RELN: variants seen among roughly 807,000 people sequenced by gnomAD.
RELN encodes the protein reelin.
RELN carries 108 observed loss-of-function variants against 427.6 expected under a neutral mutation model. The ratio of observed to expected loss-of-function variants is 0.25; its 90% CI spans 0.22 to 0.30. The LOEUF is 0.30. Among genes scored for constraint, RELN ranks in the 10% least tolerant of loss-of-function variants. The pLI is 1.00. For missense variants in RELN, 3,715 were observed against 4,302.8 expected (o/e 0.86, Z 3.82); for synonymous variants, 1,524 against 1,513.4 (o/e 1.01, Z -0.16).
At chr7:103,816,224 C>T (rs1200412630) in intron 3 of RELN, among the ~76,000 whole-genome samples, 1 of 151,980 alleles carries the variant, frequency 6.6e-6, no homozygotes, top group Non-Finnish European at 1.5e-5. Context: ...AGTAAACATA[C>T]AAAAATTGGC....
In RELN at chr7:103,953,428, C is replaced by A. The variant is rs1166380091; in HGVS notation, c.226+35703G>T. Among the ~76,000 whole-genome samples, 1 of 152,136 alleles carries A rather than the reference C, an allele frequency of 6.6e-6. No homozygotes were observed. Among genetic ancestry groups the A allele is most frequent in the Non-Finnish European group, 1.5e-5 (1 of 68,032 alleles). On this transcript the variant is annotated intron_variant, in intron 1 of 64. Transcript: ENST00000428762. This position sits in a 1 kb window ranked among gnomAD's most constrained non-coding sequence, Gnocchi z 4.3. ...TCAATCACTTGTAACATTCAGTTTT[C>A]TTTGTAGCTTCATTGAAAGCAGTTC...
chr7:103,517,324 C>A (rs1297035022), intron 49 of RELN, among the ~76,000 whole-genome samples: 2 of 152,122 alleles, frequency 1.3e-5, no homozygotes, highest in African/African-American at 4.8e-5. Context: ...TCTTTTATCT[C>A]TATTTTTTCT....
At chr7:103,874,110 T>G (rs1794418419) in intron 2 of RELN, among the ~76,000 whole-genome samples, 1 of 144,042 alleles carries the variant, frequency 6.9e-6, no homozygotes, top group African/African-American at 2.5e-5. Context: ...AAAAACCACA[T>G]GATTATCTCA....
chr7:103,888,121 A>T (rs917583304), intron 2 of RELN, among the ~76,000 whole-genome samples: 10 of 151,882 alleles, frequency 6.6e-5, no homozygotes, highest in South Asian at 2.1e-4. Context: ...GGGAGTTCTA[A>T]CTCATCCTCC....
At chr7:103,911,240 A>G (rs36200754) in intron 2 of RELN, among the ~76,000 whole-genome samples, 9,394 of 146,316 alleles carry the variant, frequency 0.064, 499 homozygotes, top group Middle Eastern at 0.1. Context: ...GCAGCCAAAA[A>G]ACACATGAAA....
At chr7:103,755,767 C>T (rs1215485664) in intron 4 of RELN, among the ~76,000 whole-genome samples, 4 of 136,358 alleles carry the variant, frequency 2.9e-5, no homozygotes, top group Non-Finnish European at 3.1e-5. Context: ...GTGAGCTGAT[C>T]GCACAACCGC....
chr7:103,728,354 G>T, intron 6 of RELN, 147 bp from the exon 7 acceptor site: 2 of 762,456 alleles, frequency 2.6e-6, no homozygotes, highest in Non-Finnish European at 4.5e-6. Flanking sequence ...TCATGATAAG[G>T]TTAAGAAGAC....
intron 61 of RELN, among the ~76,000 whole-genome samples, chr7:103,485,229 C>CAAAAAAAAAAAAAAAAAAAAAAAAAAA: frequency 1.0e-5 from 1 of 96,438 alleles, no homozygotes; most frequent in Non-Finnish European, 2.2e-5. Flanking sequence ...TTTGGCAGGC[C>CAAAAAAAAAAAAAAAAAAAAAAAAAAA]AAAAAAAAAA....
At chr7:103,478,715 T>C (rs574095824) in intron 63 of RELN, among the ~76,000 whole-genome samples, 1 of 152,174 alleles carries the variant, frequency 6.6e-6, no homozygotes, top group Non-Finnish European at 1.5e-5. Flanking sequence ...TAACTACTAA[T>C]TTTATTATCT....
At chr7:103,761,006 G>A (rs1187761703) in intron 4 of RELN, among the ~76,000 whole-genome samples, 1 of 152,066 alleles carries the variant, frequency 6.6e-6, no homozygotes, top group East Asian at 1.9e-4. Flanking sequence ...TTCTCCCTGT[G>A]TTCAAGAACA....
chr7:103,688,885 A>G (rs1246672868), intron 10 of RELN, among the ~76,000 whole-genome samples: 1 of 152,096 alleles, frequency 6.6e-6, no homozygotes, highest in East Asian at 1.9e-4. Flanking sequence ...TGTCTTCATT[A>G]GGGCCTTTTG....
In RELN at chr7:103,973,630, A is replaced by T. The variant is rs139564288; in HGVS notation, c.226+15501T>A. Reference sequence around the variant, plus strand: ...GTTTATAACACTGAAAACAAAAGAAAAACACCTGAAATGTGAAATATTTAT... The same window carrying T: ...GTTTATAACACTGAAAACAAAAGAATAACACCTGAAATGTGAAATATTTAT... On this transcript the variant is annotated intron_variant, in intron 1 of 64. Coordinates refer to ENST00000428762, the MANE Select transcript of RELN (RefSeq NM_005045.4). 3.4e-3 allele frequency among the ~76,000 whole-genome samples: 516 copies of T among 152,256 alleles called. 4 individuals are homozygous for T. The highest frequency in any genetic ancestry group is 0.012 in the African/African-American group (489 of 41,576).
chr7:103,690,635 A>C (rs555564402), intron 10 of RELN, among the ~76,000 whole-genome samples: 1 of 152,282 alleles, frequency 6.6e-6, no homozygotes, highest in African/African-American at 2.4e-5. Context: ...CGTAAACAAC[A>C]GTTGTGACAG....
In RELN at chr7:103,661,529, TA is replaced by T. The variant is rs146986040; in HGVS notation, c.1290-3del. 1.8e-4 allele frequency: 279 copies of T among 1,583,632 alleles called. No individual in the cohort carries two copies. Among genetic ancestry groups the T allele is most frequent in the Non-Finnish European group, 2.1e-4 (242 of 1,159,102 alleles). On this transcript the variant is annotated splice_region_variant and splice_polypyrimidine_tract_variant and intron_variant, in intron 11 of 64. Coordinates refer to ENST00000428762, the MANE Select transcript of RELN (RefSeq NM_005045.4). ...ATGACAGCTCCCAAGACATCCCATC[TA>T]AAAAAAAAGGGGGATTAAGAGTTAG...
At chr7:103,960,130 T>C (rs541014209) in intron 1 of RELN, among the ~76,000 whole-genome samples, 4 of 152,316 alleles carry the variant, frequency 2.6e-5, no homozygotes, top group Admixed American at 2.6e-4. Context: ...TGTCGTTCCT[T>C]GGCTCAAAAC....
At position 103,574,557 on chromosome 7, in the gene RELN, G is replaced by A. The variant is rs539687108; in HGVS notation, c.4304-258C>T. ...AAGACATTGGGAACCATACCTTTTC[G>A]TAGTTCCTGCTACTGAGGATTTGTG... On this transcript the variant is annotated intron_variant, in intron 29 of 64. Coordinates refer to ENST00000428762, the MANE Select transcript of RELN (RefSeq NM_005045.4). 1.1e-4 allele frequency among the ~76,000 whole-genome samples: 16 copies of A among 152,220 alleles called. No homozygotes were observed. The South Asian group carries it at 1.2e-3, about 12-fold the overall frequency.
Position 103,640,352 on chromosome 7 carries a change from G to C in RELN, c.2069+191C>G, listed in dbSNP as rs1420701490. 6.6e-6 allele frequency among the ~76,000 whole-genome samples: 1 copy of C among 152,104 alleles called. No individual in the cohort carries two copies. Among genetic ancestry groups the C allele is most frequent in the African/African-American group, 2.4e-5 (1 of 41,420 alleles). On this transcript the variant is annotated intron_variant, in intron 17 of 64. Coordinates refer to ENST00000428762, the MANE Select transcript of RELN (RefSeq NM_005045.4). This position sits in a 1 kb window ranked among gnomAD's most constrained non-coding sequence, Gnocchi z 4.1. ...GAATGCTAAATTTGTCCACAATTTA[G>C]CCTAATATAAAATGTATTAATTTTC...
At chr7:103,856,605 A>AAGC (rs1793953500) in intron 2 of RELN, among the ~76,000 whole-genome samples, 1 of 150,592 alleles carries the variant, frequency 6.6e-6, no homozygotes, top group South Asian at 2.1e-4. Flanking sequence ...AAGAAAGAAA[A>AAGC]AAGCAAATAT....
At chr7:103,741,085 G>C (rs901556275) in intron 6 of RELN, among the ~76,000 whole-genome samples, 2 of 152,138 alleles carry the variant, frequency 1.3e-5, no homozygotes, top group Non-Finnish European at 2.9e-5. Flanking sequence ...CTGGGGTAAA[G>C]AGAATCAAAG....
Sources: allele counts gnomAD v4.1 joint callset (sites outside exome capture counted in the v4.1 genomes callset), GRCh38; gene constraint gnomAD v4.1.1; non-coding constraint Gnocchi (gnomAD v3.1); transcripts MANE v1.5; gene names NCBI Gene and HGNC (gene_info 2026-07-23, HGNC 2026-07-21).